MYO18B: variants seen among roughly 807,000 people sequenced by gnomAD.
MYO18B encodes the protein unconventional myosin-XVIIIb.
Under a neutral mutation model 273.0 loss-of-function variants are expected in MYO18B, and 204 were observed. That is an observed-to-expected ratio of 0.75 (90% confidence interval 0.67 to 0.84). MYO18B has a LOEUF of 0.84. Ranked by LOEUF, MYO18B falls within the 40% of genes least tolerant of loss-of-function variation. The pLI is 0.00. For missense variants in MYO18B, 3,212 were observed against 3,287.6 expected (o/e 0.98, Z 0.56); for synonymous variants, 1,330 against 1,305.7 (o/e 1.02, Z -0.40).
At chr22:25,895,355 G>T in intron 28 of MYO18B, 75 bp downstream of exon 28, 7 of 1,519,976 alleles carry the variant, frequency 4.6e-6, no homozygotes, top group Non-Finnish European at 6.2e-6. Context: ...GTGGGTGATC[G>T]AGGTATTAGC....
intron 9 of MYO18B, among the ~76,000 whole-genome samples, chr22:25,780,862 C>G (rs1285704986): frequency 6.6e-6 from 1 of 152,286 alleles, no homozygotes; most frequent in Non-Finnish European, 1.5e-5. Flanking sequence ...AGACGCTTGC[C>G]AGCCTTCTGC....
chr22:26,058,859 T>G, the MYO18B span, among the ~76,000 whole-genome samples: 1 of 152,168 alleles, frequency 6.6e-6, no homozygotes, highest in African/African-American at 2.4e-5. Flanking sequence ...TCCTCTTTTC[T>G]TTATAATTAC....
At chr22:25,773,674 A>G (rs1195090910) in intron 7 of MYO18B, among the ~76,000 whole-genome samples, 1 of 152,204 alleles carries the variant, frequency 6.6e-6, no homozygotes, top group East Asian at 1.9e-4. Flanking sequence ...CGTGTTAGCC[A>G]GGATGGGCTC....
intron 8 of MYO18B, among the ~76,000 whole-genome samples, chr22:25,778,477 TTTATTA>T (rs561203478): frequency 6.6e-6 from 1 of 151,436 alleles, no homozygotes; most frequent in African/African-American, 2.4e-5. Context: ...GGATACTAAC[TTTATTA>T]TTATTATTAT....
chr22:25,870,766 C>T (rs966215628), intron 22 of MYO18B, among the ~76,000 whole-genome samples: 1 of 152,116 alleles, frequency 6.6e-6, no homozygotes, highest in Non-Finnish European at 1.5e-5. Flanking sequence ...TGGAGGGGGG[C>T]AGGGCTGGCA....
chr22:25,769,452 G>A, intron 4 of MYO18B, 24 bp downstream of exon 4: 2 of 1,486,878 alleles, frequency 1.3e-6, no homozygotes, highest in Non-Finnish European at 9.0e-7. Context: ...GGCCCTGGGA[G>A]CGGGAAGCGG....
chr22:25,847,378 T>A, intron 19 of MYO18B, 52 bp from the exon 20 acceptor site: 2 of 1,493,010 alleles, frequency 1.3e-6, no homozygotes, highest in South Asian at 2.4e-5. Flanking sequence ...TCCAGTCCCC[T>A]TTCTGTGTCT....
At chr22:26,022,033 T>G (rs568769588) in intron 42 of MYO18B, among the ~76,000 whole-genome samples, 1 of 152,134 alleles carries the variant, frequency 6.6e-6, no homozygotes, top group Non-Finnish European at 1.5e-5. Flanking sequence ...TTGGACAGAC[T>G]ACAGGGTGGG....
intron 12 of MYO18B, among the ~76,000 whole-genome samples, chr22:25,810,433 AT>A (rs369429871): frequency 0.021 from 2,025 of 96,844 alleles, 31 homozygotes; most frequent in East Asian, 0.097. Flanking sequence ...ATAGGCTATA[AT>A]TTTTTTTTTT....
chr22:25,885,353 A>C (rs1601464650), intron 25 of MYO18B, among the ~76,000 whole-genome samples: 1 of 152,262 alleles, frequency 6.6e-6, no homozygotes, highest in South Asian at 2.1e-4. Context: ...CTCCAAACAG[A>C]CTGTGATTGA....
At chr22:25,914,689 T>TG in intron 33 of MYO18B, among the ~76,000 whole-genome samples, 1 of 107,260 alleles carries the variant, frequency 9.3e-6, no homozygotes, top group Middle Eastern at 4.6e-3. Context: ...TTTGACTCTT[T>TG]TTTTTTTTTT....
At chr22:26,017,597 A>T (rs1455386307) in intron 42 of MYO18B, among the ~76,000 whole-genome samples, 1 of 152,230 alleles carries the variant, frequency 6.6e-6, no homozygotes, top group Admixed American at 6.5e-5. Flanking sequence ...ACTGTCCTGT[A>T]TCACTGTATT....
At chr22:25,891,526 G>A (rs934864484) in intron 27 of MYO18B, 114 bp downstream of exon 27, 17 of 667,028 alleles carry the variant, frequency 2.5e-5, no homozygotes, top group Admixed American at 1.3e-4. Flanking sequence ...GAGGGGCTGC[G>A]ACTTTGGCAG....
At chr22:25,921,467 A>C in intron 34 of MYO18B, 58 bp downstream of exon 34, 2 of 1,549,476 alleles carry the variant, frequency 1.3e-6, no homozygotes, top group Non-Finnish European at 1.7e-6. Context: ...CGACCTGCAG[A>C]GAATTGCTGT....
chr22:25,906,578 G>A (rs2092049094), intron 31 of MYO18B, among the ~76,000 whole-genome samples: 1 of 152,176 alleles, frequency 6.6e-6, no homozygotes, highest in Non-Finnish European at 1.5e-5. Flanking sequence ...GGACAGTAGA[G>A]TAAATGATCA....
chr22:25,763,498 G>T, intron 3 of MYO18B, 109 bp downstream of exon 3: 1 of 1,316,158 alleles, frequency 7.6e-7, no homozygotes, highest in Non-Finnish European at 1.0e-6. Flanking sequence ...TGCTGTCCTG[G>T]TTTTGAGGAA....
chr22:25,839,268 G>A (rs2090012610), intron 17 of MYO18B, among the ~76,000 whole-genome samples: 1 of 152,116 alleles, frequency 6.6e-6, no homozygotes, highest in East Asian at 1.9e-4. Context: ...GTGCATGTGT[G>A]TATATGTGTG....
At chr22:26,025,811 C>T (rs1456941957) in intron 42 of MYO18B, among the ~76,000 whole-genome samples, 1 of 152,204 alleles carries the variant, frequency 6.6e-6, no homozygotes, top group Non-Finnish European at 1.5e-5. Context: ...CTGCCACAAA[C>T]TCCCTCTGCA....
chr22:25,800,536 A>G (rs912330499), intron 12 of MYO18B, among the ~76,000 whole-genome samples: 1 of 152,174 alleles, frequency 6.6e-6, no homozygotes, highest in Non-Finnish European at 1.5e-5. Flanking sequence ...GGAAAATGAC[A>G]CAGGAGAGGG....
Sources: allele counts gnomAD v4.1 joint callset (sites outside exome capture counted in the v4.1 genomes callset), GRCh38; gene constraint gnomAD v4.1.1; transcripts MANE v1.5; gene names NCBI Gene and HGNC (gene_info 2026-07-23, HGNC 2026-07-21).